The following GUCY1A2 variants were observed in gnomAD, a reference collection of about 807,000 sequenced individuals.
The protein encoded by GUCY1A2 is guanylate cyclase 1 soluble subunit alpha 2, also known as guanylate cyclase soluble subunit alpha-2.
Under a neutral mutation model 63.5 loss-of-function variants are expected in GUCY1A2, and 27 were observed. The ratio of observed to expected loss-of-function variants is 0.43; its 90% CI spans 0.31 to 0.59. The LOEUF (loss-of-function observed/expected upper bound fraction) is 0.59, where lower values mean the gene tolerates loss of function less well. GUCY1A2 is among the 20% of genes least tolerant of loss of function. GUCY1A2 has a pLI of 0.11. For missense variants in GUCY1A2, 768 were observed against 913.3 expected, an observed-to-expected ratio of 0.84 and a Z score of 2.05; for synonymous variants, 364 against 343.5, an observed-to-expected ratio of 1.06 and a Z score of -0.66.
At chr11:106,979,238 G>A (rs961252565) in intron 2 of GUCY1A2, among the ~76,000 whole-genome samples, 4 of 152,206 alleles carry the variant, frequency 2.6e-5, no homozygotes, top group Admixed American at 6.5e-5. Context: ...GGCAGATCAC[G>A]AGTTCAGGAG....
At chr11:107,004,176 G>A (rs578155209) in intron 1 of GUCY1A2, among the ~76,000 whole-genome samples, 2 of 152,176 alleles carry the variant, frequency 1.3e-5, no homozygotes, top group Non-Finnish European at 2.9e-5. Context: ...CATCTAGGCA[G>A]TGAATCATGA....
intron 3 of GUCY1A2, among the ~76,000 whole-genome samples, 193 bp downstream of exon 3, chr11:106,978,426 C>T (rs1470927693): frequency 2.0e-5 from 3 of 152,170 alleles, no homozygotes; most frequent in Non-Finnish European, 4.4e-5. Flanking sequence ...TTTTCCATCT[C>T]TAAGTAAGTG....
chr11:106,751,469 T>C (rs1863880372), intron 6 of GUCY1A2, among the ~76,000 whole-genome samples: 1 of 150,916 alleles, frequency 6.6e-6, no homozygotes, highest in Non-Finnish European at 1.5e-5. Flanking sequence ...CTCTATTCCC[T>C]TAGGGATTCC....
At chr11:106,859,818 C>T (rs1020814912) in intron 4 of GUCY1A2, among the ~76,000 whole-genome samples, 3 of 151,990 alleles carry the variant, frequency 2.0e-5, no homozygotes, top group Non-Finnish European at 4.4e-5. Flanking sequence ...CAGTATCATT[C>T]TGTACAGGTT....
chr11:106,983,361 A>G (rs1861362261), intron 2 of GUCY1A2, among the ~76,000 whole-genome samples: 1 of 152,226 alleles, frequency 6.6e-6, no homozygotes, highest in South Asian at 2.1e-4. Flanking sequence ...GATAAAGTGG[A>G]TAAAGTACAG....
chr11:106,777,823 G>C (rs1864385695), intron 5 of GUCY1A2, among the ~76,000 whole-genome samples: 1 of 151,996 alleles, frequency 6.6e-6, no homozygotes, highest in Non-Finnish European at 1.5e-5. Context: ...AGAACCTAAA[G>C]TATAATTTTT....
chr11:106,942,163 T>G (rs1565338628), intron 3 of GUCY1A2, among the ~76,000 whole-genome samples: 1 of 152,198 alleles, frequency 6.6e-6, no homozygotes, highest in Non-Finnish European at 1.5e-5. Context: ...AATACTTAAA[T>G]CAATACATAC....
chr11:106,979,353 G>C (rs1487343630), intron 2 of GUCY1A2, among the ~76,000 whole-genome samples: 1 of 151,748 alleles, frequency 6.6e-6, no homozygotes. Context: ...TACTCTGGAG[G>C]CTGAGGCAGA....
At chr11:106,956,326 A>G (rs1164652781) in intron 3 of GUCY1A2, among the ~76,000 whole-genome samples, 2 of 151,902 alleles carry the variant, frequency 1.3e-5, no homozygotes, top group African/African-American at 4.8e-5. Flanking sequence ...TGCCCTTGAC[A>G]TTGTAATCAT....
At chr11:106,760,487 T>A (rs1283465371) in intron 6 of GUCY1A2, among the ~76,000 whole-genome samples, 1 of 152,186 alleles carries the variant, frequency 6.6e-6, no homozygotes, top group African/African-American at 2.4e-5. Flanking sequence ...TTTATAACAG[T>A]CATAGTTTTT....
At chr11:106,896,251 G>T (rs1316567723) in intron 4 of GUCY1A2, among the ~76,000 whole-genome samples, 1 of 151,884 alleles carries the variant, frequency 6.6e-6, no homozygotes, top group Admixed American at 6.6e-5. Flanking sequence ...TGCATAAAAA[G>T]CATCTGACAA....
chr11:106,691,326 G>A (rs539480905), intron 7 of GUCY1A2, among the ~76,000 whole-genome samples: 12 of 152,194 alleles, frequency 7.9e-5, no homozygotes, highest in Non-Finnish European at 1.6e-4. Flanking sequence ...GAAAGGGAGA[G>A]ATGATGACTA....
At chr11:106,779,616 C>T (rs1218668455) in intron 5 of GUCY1A2, among the ~76,000 whole-genome samples, 1 of 151,732 alleles carries the variant, frequency 6.6e-6, no homozygotes, top group African/African-American at 2.4e-5. Flanking sequence ...AAATGTCTAT[C>T]ACCATCATCA....
chr11:106,750,563 T>A (rs953454738), intron 6 of GUCY1A2, among the ~76,000 whole-genome samples: 1 of 152,090 alleles, frequency 6.6e-6, no homozygotes, highest in Non-Finnish European at 1.5e-5. Flanking sequence ...CTTGCTGCAA[T>A]TAGAAAACAG....
chr11:106,977,427 T>C (rs1861276916), intron 3 of GUCY1A2, among the ~76,000 whole-genome samples: 6 of 152,210 alleles, frequency 3.9e-5, no homozygotes, highest in Admixed American at 3.9e-4. Context: ...TCACTACCCA[T>C]CACTGTCCTG....
intron 3 of GUCY1A2, among the ~76,000 whole-genome samples, chr11:106,969,488 T>C (rs1159018458): frequency 1.3e-5 from 2 of 152,004 alleles, no homozygotes; most frequent in Non-Finnish European, 2.9e-5. Context: ...TTAACAAAAG[T>C]CTTCTAACAC....
chr11:106,713,053 TTCAAC>T (rs1402244013), intron 6 of GUCY1A2, among the ~76,000 whole-genome samples: 1 of 152,180 alleles, frequency 6.6e-6, no homozygotes, highest in Non-Finnish European at 1.5e-5. Flanking sequence ...GCTCCATCTC[TTCAAC>T]TCAAGAAGTT....
chr11:106,734,700 T>G (rs2135374011), intron 6 of GUCY1A2, among the ~76,000 whole-genome samples: 1 of 152,304 alleles, frequency 6.6e-6, no homozygotes, highest in Admixed American at 6.5e-5. Flanking sequence ...TCTGAATCAC[T>G]TTTCAAGTTG....
At chr11:106,841,632 G>C (rs893290717) in intron 4 of GUCY1A2, among the ~76,000 whole-genome samples, 2 of 151,854 alleles carry the variant, frequency 1.3e-5, no homozygotes, top group Non-Finnish European at 1.5e-5. Flanking sequence ...CCTTAGCAGT[G>C]CCTACAAAAG....
Sources: allele counts gnomAD v4.1 joint callset (sites outside exome capture counted in the v4.1 genomes callset), GRCh38; gene constraint gnomAD v4.1.1; transcripts MANE v1.5; gene names NCBI Gene and HGNC (gene_info 2026-07-23, HGNC 2026-07-21).